DCUN1D3: variants seen among roughly 807,000 people sequenced by gnomAD.
The protein encoded by DCUN1D3 is defective in cullin neddylation 1 domain containing 3.
A neutral mutation model predicts 24.8 loss-of-function variants in DCUN1D3; 6 were observed. That is an observed-to-expected ratio of 0.24 (90% confidence interval 0.13 to 0.48). DCUN1D3 has a LOEUF of 0.48. Among genes scored for constraint, DCUN1D3 ranks in the 20% least tolerant of loss-of-function variants. DCUN1D3 has a pLI of 0.99. For missense variants in DCUN1D3, 258 were observed against 379.4 expected, an observed-to-expected ratio of 0.68 and a Z score of 2.66; for synonymous variants, 120 against 144.9, an observed-to-expected ratio of 0.83 and a Z score of 1.24.
chr16:20,881,468 G>A (rs901330888), intron 1 of DCUN1D3, among the ~76,000 whole-genome samples: 7 of 152,072 alleles, frequency 4.6e-5, no homozygotes, highest in Admixed American at 1.3e-4. Context: ...TGCACTATTT[G>A]TTTTCTTTTT....
Position 20,875,210 on chromosome 16 carries a change from G to GCACACACA in DCUN1D3, c.-105-12575_-105-12568dup, listed in dbSNP as rs3222584. On this transcript the variant is annotated intron_variant, in intron 1 of 2. Coordinates refer to ENST00000324344, the MANE Select transcript of DCUN1D3 (RefSeq NM_173475.4). Reference sequence around the variant, plus strand: ...CCCAGAATAAACTGCGTGCGCTCATGCACACACACACACACACACACACAC... The same window carrying GCACACACA: ...CCCAGAATAAACTGCGTGCGCTCATGCACACACACACACACACACACACACACACACAC... Among the ~76,000 whole-genome samples, 167 of 140,338 alleles carry GCACACACA rather than the reference G, an allele frequency of 1.2e-3. 1 individual carries two copies. The highest frequency in any genetic ancestry group is 6.4e-3 in the South Asian group (27 of 4,222). The allele number at this position is 140,338 out of a possible 152,430, so 92.1% of individuals were successfully genotyped here.
At chr16:20,879,613 G>A (rs1274000396) in intron 1 of DCUN1D3, among the ~76,000 whole-genome samples, 2 of 152,154 alleles carry the variant, frequency 1.3e-5, no homozygotes, top group Non-Finnish European at 2.9e-5. Context: ...CCAAATGCAG[G>A]CATTTAACAA....
intron 1 of DCUN1D3, among the ~76,000 whole-genome samples, chr16:20,862,891 A>C (rs1358762347): frequency 1.3e-5 from 2 of 152,216 alleles, no homozygotes; most frequent in Non-Finnish European, 2.9e-5. Flanking sequence ...CATAGATTTC[A>C]AAGAGGCCGA....
At chr16:20,877,049 C>G (rs1485641178) in intron 1 of DCUN1D3, among the ~76,000 whole-genome samples, 1 of 151,898 alleles carries the variant, frequency 6.6e-6, no homozygotes, top group Non-Finnish European at 1.5e-5. Flanking sequence ...CTCCAGTCAA[C>G]AATAATCTAA....
chr16:20,899,409 G>C (rs2081946101), intron 1 of DCUN1D3, among the ~76,000 whole-genome samples: 1 of 152,142 alleles, frequency 6.6e-6, no homozygotes, highest in Non-Finnish European at 1.5e-5. Flanking sequence ...GAGCGTAAGA[G>C]GTACTCCCAA....
Position 20,862,376 on chromosome 16 carries a change from C to T in DCUN1D3, c.163G>A (p.Gly55Arg), listed in dbSNP as rs777603187. ...GTGGCAGCCTCGGCCTTCTTGGTCC[C>T]GTTGACGAGGATATCTCCACCTGGC... ...GKPGGDILVN[G>R]TKKAEAATEA... The change falls in exon 2 of 3, where the codon GGG becomes AGG. Residue 55 changes from glycine (G) to arginine (R), a missense_variant. Transcript: ENST00000324344. 3 of 1,614,132 alleles carry T rather than the reference C, an allele frequency of 1.9e-6. No individual in the cohort carries two copies. Among genetic ancestry groups the T allele is most frequent in the Admixed American group, 1.7e-5 (1 of 60,032 alleles).
chr16:20,868,316 A>C (rs1469975429), intron 1 of DCUN1D3, among the ~76,000 whole-genome samples: 1 of 152,216 alleles, frequency 6.6e-6, no homozygotes, highest in African/African-American at 2.4e-5. Context: ...TCTGTGAAGC[A>C]ATTACCCCCA....
At position 20,860,169 on chromosome 16, in the gene DCUN1D3, A is replaced by G. The variant is rs148978111; in HGVS notation, c.632T>C (p.Leu211Pro). ...CGGAGGATTGTTCTGGGTAAAGACTAGTTTCCACAGGGCAATGGCTATTTC... is the reference window on the plus strand; with the variant it reads ...CGGAGGATTGTTCTGGGTAAAGACTGGTTTCCACAGGGCAATGGCTATTTC... ...HREIAIALWK[L>P]VFTQNNPPVL... Residue 211 changes from leucine (L) to proline (P), a missense_variant, in exon 3 of 3, where the codon CTA becomes CCA. Physicochemically the swap from Leu to Pro is moderately conservative, Grantham distance 98. Transcript: ENST00000324344. This position sits in a 1 kb window ranked among gnomAD's most constrained non-coding sequence, Gnocchi z 4.3. The G allele has an allele frequency of 6.2e-7, 1 of 1,614,248 alleles. No homozygotes were observed. Among genetic ancestry groups the G allele is most frequent in the Non-Finnish European group, 8.5e-7 (1 of 1,180,036 alleles).
intron 1 of DCUN1D3, among the ~76,000 whole-genome samples, chr16:20,878,094 C>T (rs2081825152): frequency 6.6e-6 from 1 of 152,136 alleles, no homozygotes; most frequent in South Asian, 2.1e-4. Flanking sequence ...GAGCACTGGG[C>T]CCAGCCCTGA....
chr16:20,873,014 C>A (rs538399893), intron 1 of DCUN1D3, among the ~76,000 whole-genome samples: 1 of 152,064 alleles, frequency 6.6e-6, no homozygotes, highest in South Asian at 2.1e-4. Flanking sequence ...TACTTGGGAA[C>A]CTGAGGCAGG....
intron 1 of DCUN1D3, among the ~76,000 whole-genome samples, chr16:20,893,945 C>T (rs573419439): frequency 3.3e-5 from 5 of 152,284 alleles, no homozygotes; most frequent in Non-Finnish European, 1.5e-5. Flanking sequence ...CCAACTCTGC[C>T]GCTTGTGTGG....
At chr16:20,868,701 G>A (rs964266184) in intron 1 of DCUN1D3, among the ~76,000 whole-genome samples, 7 of 152,098 alleles carry the variant, frequency 4.6e-5, no homozygotes, top group Non-Finnish European at 5.9e-5. Context: ...CTCCCATAGC[G>A]ATTCAGGTCT....
chr16:20,870,354 G>A (rs577291541), intron 1 of DCUN1D3, among the ~76,000 whole-genome samples: 58 of 152,278 alleles, frequency 3.8e-4, no homozygotes, highest in African/African-American at 1.3e-3. Context: ...ACTCCAATCT[G>A]AACAACGAGG....
At chr16:20,884,345 G>T (rs1053823227) in intron 1 of DCUN1D3, among the ~76,000 whole-genome samples, 1 of 152,068 alleles carries the variant, frequency 6.6e-6, no homozygotes, top group African/African-American at 2.4e-5. Context: ...AAAACAAACA[G>T]CCCCACTCTA....
chr16:20,857,922 GC>G lies in DCUN1D3; in HGVS notation c.*1963del. On this transcript the variant is annotated 3_prime_UTR_variant, in exon 3 of 3. Coordinates refer to ENST00000324344, the MANE Select transcript of DCUN1D3 (RefSeq NM_173475.4). Reference sequence around the variant, plus strand: ...CTCTTTAATAATCCTTAAGATGGGAGCCCAGAGCTGTAAGGCTGCTCACAAT... The same window carrying G: ...CTCTTTAATAATCCTTAAGATGGGAGCCAGAGCTGTAAGGCTGCTCACAAT... 6.6e-6 allele frequency: 1 copy of G among 152,524 alleles called. No individual in the cohort carries two copies. The highest frequency in any genetic ancestry group is 1.5e-5 in the Non-Finnish European group (1 of 68,026). The allele number at this position is 152,524 out of a possible 1,614,324, so 9.4% of individuals were successfully genotyped here.
rs2081972623 is a variant in DCUN1D3 at position 20,900,271 on chromosome 16, A to C, written c.-173T>G. The C allele has an allele frequency of 6.8e-6, 1 of 145,992 alleles. No individual in the cohort carries two copies. The highest frequency in any genetic ancestry group is 2.1e-4 in the East Asian group (1 of 4,782). The allele number at this position is 145,992 out of a possible 1,614,324, so 9.0% of individuals were successfully genotyped here. The stretch of plus-strand genomic sequence containing the variant: ...GACGGCGGCCCGGCGGGTCCAAACC[A>C]CCTACCATCCCCGCTCGCGTTTCCA... On this transcript the variant is annotated 5_prime_UTR_variant, in exon 1 of 3. Transcript: ENST00000324344.
intron 1 of DCUN1D3, among the ~76,000 whole-genome samples, chr16:20,899,663 A>T (rs1011095003): frequency 6.6e-6 from 1 of 152,048 alleles, no homozygotes; most frequent in African/African-American, 2.4e-5. Flanking sequence ...TACATTTGTC[A>T]CCCCGTCCCA....
intron 1 of DCUN1D3, among the ~76,000 whole-genome samples, chr16:20,875,366 C>T (rs564131573): frequency 6.6e-4 from 101 of 152,282 alleles, no homozygotes; most frequent in African/African-American, 2.4e-3. Context: ...CACTCAAAAA[C>T]CAGTTGCACA....
At chr16:20,876,736 G>A (rs1215715964) in intron 1 of DCUN1D3, among the ~76,000 whole-genome samples, 1 of 152,150 alleles carries the variant, frequency 6.6e-6, no homozygotes, top group Non-Finnish European at 1.5e-5. Context: ...TAAAGAAAAT[G>A]TGGTACATAT....
Sources: gnomAD v4.1 joint callset for allele counts (sites outside exome capture counted in the v4.1 genomes callset) on GRCh38, gnomAD v4.1.1 for gene constraint, Gnocchi (gnomAD v3.1) non-coding constraint, MANE v1.5 for transcripts, NCBI Gene and HGNC (gene_info 2026-07-23, HGNC 2026-07-21) for gene names.